The following XIRP2 variants were observed in gnomAD, a reference collection of about 807,000 sequenced individuals.
XIRP2 encodes the protein xin actin binding repeat containing 2.
In XIRP2, 236 loss-of-function variants were observed where a neutral mutation model predicts 277.0. The observed-to-expected ratio is 0.85, with a 90% CI of 0.77 to 0.95. XIRP2 has a LOEUF of 0.95. Among genes scored for constraint, XIRP2 ranks in the 40% least tolerant of loss-of-function variants. XIRP2 has a pLI of 0.00. For synonymous variants in XIRP2, 1,490 were observed against 1,416.5 expected, an observed-to-expected ratio of 1.05 and a Z score of -1.17; for missense variants, 4,640 against 4,157.5, an observed-to-expected ratio of 1.12 and a Z score of -3.19.
chr2:166,897,297 CG>C (rs2105330671), intron 1 of XIRP2, among the ~76,000 whole-genome samples: 1 of 152,226 alleles, frequency 6.6e-6, no homozygotes, highest in South Asian at 2.1e-4. Context: ...AGTGGCCCTA[CG>C]GAAGTGTGCC....
intron 3 of XIRP2, among the ~76,000 whole-genome samples, chr2:167,158,534 A>T (rs1173235438): frequency 6.6e-6 from 1 of 152,198 alleles, no homozygotes; most frequent in Non-Finnish European, 1.5e-5. Context: ...GGTGGGATAG[A>T]AATGGCTCCA....
intron 5 of XIRP2, among the ~76,000 whole-genome samples, chr2:167,219,927 A>T (rs1274805738): frequency 6.6e-6 from 1 of 152,016 alleles, no homozygotes; most frequent in Non-Finnish European, 1.5e-5. Context: ...AAGACAGAAA[A>T]CCCCCCAAAA....
At chr2:166,906,160 G>A (rs969197334) in intron 2 of XIRP2, among the ~76,000 whole-genome samples, 1 of 151,856 alleles carries the variant, frequency 6.6e-6, no homozygotes, top group Admixed American at 6.6e-5. Context: ...TTCAAATAAG[G>A]AAAATCTTTT....
rs570963606 is a variant in XIRP2 at position 167,118,201 on chromosome 2, TGG to T, written c.409-17706_409-17705del. ...TTAATTATAAAAGGGCTTGATGGTC[TGG>T]GTGCAGTGGCTCACGCCTGTAATCC... On this transcript the variant is annotated intron_variant, in intron 2 of 10. Coordinates refer to ENST00000409195, the MANE Select transcript of XIRP2 (RefSeq NM_152381.6). Among the ~76,000 whole-genome samples, 4 of 152,248 alleles carry T rather than the reference TGG, an allele frequency of 2.6e-5. No individual in the cohort carries two copies. The East Asian group carries it at 7.8e-4, about 30-fold the overall frequency.
intron 4 of XIRP2, among the ~76,000 whole-genome samples, chr2:167,213,365 G>T (rs1169180119): frequency 6.6e-6 from 1 of 152,094 alleles, no homozygotes; most frequent in African/African-American, 2.4e-5. Context: ...AATTGTCAGG[G>T]CTGGAATTAG....
At chr2:167,106,823 C>T (rs1013476644) in intron 2 of XIRP2, among the ~76,000 whole-genome samples, 1 of 151,386 alleles carries the variant, frequency 6.6e-6, no homozygotes, top group African/African-American at 2.4e-5. Flanking sequence ...TATTTCTCTC[C>T]ATTTATTTAG....
chr2:167,037,748 A>G (rs1688551473), intron 2 of XIRP2, among the ~76,000 whole-genome samples: 1 of 152,110 alleles, frequency 6.6e-6, no homozygotes, highest in African/African-American at 2.4e-5. Flanking sequence ...CATTAAAAAC[A>G]TAATAAATAA....
At chr2:167,092,484 C>T (rs887369230) in intron 2 of XIRP2, among the ~76,000 whole-genome samples, 1 of 152,088 alleles carries the variant, frequency 6.6e-6, no homozygotes, top group Non-Finnish European at 1.5e-5. Context: ...CCAACTAATA[C>T]ACTTTTCAGT....
At chr2:166,925,617 A>C (rs896814260) in intron 2 of XIRP2, among the ~76,000 whole-genome samples, 10 of 143,844 alleles carry the variant, frequency 7.0e-5, no homozygotes, top group African/African-American at 2.6e-4. Flanking sequence ...ATATATATAT[A>C]TATATATATA....
chr2:167,038,175 A>T lies in XIRP2; in HGVS notation c.409-97734A>T, dbSNP rs77913899. Reference sequence around the variant, plus strand: ...AGTTATGTGCATTTTTGAATAAAAAATTTTAATTTACTGTTTTGTTATATG... The same window carrying T: ...AGTTATGTGCATTTTTGAATAAAAATTTTTAATTTACTGTTTTGTTATATG... On this transcript the variant is annotated intron_variant, in intron 2 of 10. Transcript: ENST00000409195. Among the ~76,000 whole-genome samples the T allele has an allele frequency of 2.4e-4, 37 of 152,122 alleles. No individual in the cohort carries two copies. The East Asian group carries it at 7.1e-3, about 29-fold the overall frequency.
chr2:167,022,089 T>C (rs1687998971), intron 2 of XIRP2, among the ~76,000 whole-genome samples: 1 of 152,132 alleles, frequency 6.6e-6, no homozygotes, highest in Non-Finnish European at 1.5e-5. Context: ...TGAAGAACTG[T>C]TCAAAGCAGC....
intron 3 of XIRP2, among the ~76,000 whole-genome samples, chr2:167,142,704 A>C (rs1173013625): frequency 2.0e-5 from 3 of 152,220 alleles, no homozygotes; most frequent in African/African-American, 7.2e-5. Context: ...GTATCTATTC[A>C]GGTTGGCATG....
At chr2:167,103,598 C>T (rs1690542413) in intron 2 of XIRP2, among the ~76,000 whole-genome samples, 1 of 152,140 alleles carries the variant, frequency 6.6e-6, no homozygotes, top group Non-Finnish European at 1.5e-5. Flanking sequence ...CTCTAGGCTA[C>T]AGGAAAGTGG....
chr2:167,253,942 GGC>G, intron 9 of XIRP2, 88 bp from the exon 10 acceptor site: 1 of 1,401,042 alleles, frequency 7.1e-7, no homozygotes, highest in Non-Finnish European at 9.6e-7. Context: ...TTAACCGCAT[GGC>G]CAGTTAATAT....
In XIRP2 at chr2:167,259,014, T is replaced by C; in HGVS notation, c.*1197T>C. ...TCTCCTGATACAAATCTCTTAAACA[T>C]TAAAGGAAGCCATTCAAAGAGCAAA... On this transcript the variant is annotated 3_prime_UTR_variant, in exon 11 of 11. Coordinates refer to ENST00000409195, the MANE Select transcript of XIRP2 (RefSeq NM_152381.6). The C allele has an allele frequency of 6.2e-7, 1 of 1,609,858 alleles. No homozygotes were observed. The highest frequency in any genetic ancestry group is 8.5e-7 in the Non-Finnish European group (1 of 1,177,208).
chr2:167,243,229 G>A lies in XIRP2; in HGVS notation c.1837G>A (p.Asp613Asn). Reference sequence around the variant, plus strand: ...TGATCAAGAAATCATTGCTGGTGGTGATGTGAAATATACCACATGGATGTT... The same window carrying A: ...TGATCAAGAAATCATTGCTGGTGGTAATGTGAAATATACCACATGGATGTT... ...IADQEIIAGG[D>N]VKYTTWMFET... is the part of the protein sequence containing the mutation. The change falls in exon 9 of 11, where the codon GAT becomes AAT. Residue 613 changes from aspartate (D) to asparagine (N), a missense_variant. Asp to Asn is a conservative substitution (Grantham distance 23). Coordinates refer to ENST00000409195, the MANE Select transcript of XIRP2 (RefSeq NM_152381.6). The A allele has an allele frequency of 2.5e-6, 4 of 1,614,034 alleles. No homozygotes were observed. The South Asian group carries it at 4.4e-5, about 18-fold the overall frequency.
At chr2:167,156,191 C>T (rs111526953) in intron 3 of XIRP2, among the ~76,000 whole-genome samples, 1 of 151,658 alleles carries the variant, frequency 6.6e-6, no homozygotes, top group Non-Finnish European at 1.5e-5. Flanking sequence ...TTTATAGATT[C>T]GATGCCATCC....
intron 3 of XIRP2, among the ~76,000 whole-genome samples, chr2:167,182,509 A>C (rs184236206): frequency 2.6e-3 from 396 of 152,310 alleles, no homozygotes; most frequent in Middle Eastern, 0.01. Context: ...ATCCCTCTCA[A>C]AACATATCAC....
Position 167,250,703 on chromosome 2 carries a change from T to C in XIRP2, c.9311T>C (p.Leu3104Pro), listed in dbSNP as rs1439954354. 3 of 1,613,556 alleles carry C rather than the reference T, an allele frequency of 1.9e-6. No individual in the cohort carries two copies. The highest frequency in any genetic ancestry group is 1.1e-5 in the South Asian group (1 of 91,072). The change falls in exon 9 of 11, where the codon CTT (leucine) becomes CCT (proline). Residue 3104 changes from leucine to proline, a missense_variant. Leu to Pro is a moderately conservative substitution (Grantham distance 98). Transcript: ENST00000409195. ...GTGAAAACCCATCAGGAAATTAAACTTGATGATAGCAACATTCCTCCTCCC... is the reference window on the plus strand; with the variant it reads ...GTGAAAACCCATCAGGAAATTAAACCTGATGATAGCAACATTCCTCCTCCC... Reference protein sequence around the residue: ...SHVKTHQEIKLDDSNIPPPSL... With the variant: ...SHVKTHQEIKPDDSNIPPPSL...
Sources: gnomAD v4.1 joint callset for allele counts (sites outside exome capture counted in the v4.1 genomes callset) on GRCh38, gnomAD v4.1.1 for gene constraint, MANE v1.5 for transcripts, NCBI Gene and HGNC (gene_info 2026-07-23, HGNC 2026-07-21) for gene names.